ADAMTSL3: variants seen among roughly 807,000 people sequenced by gnomAD.
ADAMTSL3 encodes ADAMTS like 3.
Under a neutral mutation model 201.7 loss-of-function variants are expected in ADAMTSL3, and 128 were observed. The ratio of observed to expected loss-of-function variants is 0.63; its 90% CI spans 0.55 to 0.73. ADAMTSL3 has a LOEUF of 0.73. Among genes scored for constraint, ADAMTSL3 ranks in the 30% least tolerant of loss-of-function variants. ADAMTSL3 has a pLI of 0.00. For missense variants in ADAMTSL3, 1,990 were observed against 2,119.6 expected (o/e 0.94, Z 1.20); for synonymous variants, 738 against 748.4 (o/e 0.99, Z 0.23).
chr15:83,666,082 G>A (rs1029857898), intron 2 of ADAMTSL3, among the ~76,000 whole-genome samples: 6 of 152,118 alleles, frequency 3.9e-5, no homozygotes, highest in Middle Eastern at 3.4e-3. Context: ...GGATTTTGTT[G>A]TATAGATTTC....
intron 19 of ADAMTSL3, among the ~76,000 whole-genome samples, chr15:83,964,935 G>A (rs567047549): frequency 7.2e-5 from 11 of 152,108 alleles, no homozygotes; most frequent in Middle Eastern, 3.2e-3. Context: ...CTTCATAAGC[G>A]AAGGAGAAAT....
chr15:83,902,813 T>G (rs2065752724), intron 15 of ADAMTSL3, among the ~76,000 whole-genome samples: 1 of 152,118 alleles, frequency 6.6e-6, no homozygotes, highest in South Asian at 2.1e-4. Context: ...ACTCCCCTCT[T>G]AATTGGGAGT....
chr15:83,743,983 T>G (rs2062501200), intron 3 of ADAMTSL3, among the ~76,000 whole-genome samples: 2 of 152,070 alleles, frequency 1.3e-5, no homozygotes, highest in Non-Finnish European at 2.9e-5. Flanking sequence ...CCTGAGTAGC[T>G]GGGACTACAG....
At chr15:83,973,328 C>G (rs890660933) in intron 20 of ADAMTSL3, among the ~76,000 whole-genome samples, 1 of 152,192 alleles carries the variant, frequency 6.6e-6, no homozygotes, top group Non-Finnish European at 1.5e-5. Context: ...CCAGTTTCTG[C>G]TCTTGCACTA....
intron 10 of ADAMTSL3, among the ~76,000 whole-genome samples, chr15:83,888,039 A>G (rs932198538): frequency 1.3e-5 from 2 of 152,238 alleles, no homozygotes; most frequent in African/African-American, 4.8e-5. Flanking sequence ...CCAGTTGATC[A>G]AATTCTTGGG....
intron 7 of ADAMTSL3, among the ~76,000 whole-genome samples, chr15:83,854,418 T>C (rs1206546819): frequency 6.6e-6 from 1 of 152,230 alleles, no homozygotes; most frequent in African/African-American, 2.4e-5. Flanking sequence ...AGAATTGGAT[T>C]GAACATTTGT....
intron 27 of ADAMTSL3, 92 bp from the exon 28 acceptor site, chr15:84,031,243 T>C (rs2068403328): frequency 4.8e-6 from 6 of 1,260,680 alleles, no homozygotes; most frequent in South Asian, 1.3e-5. Context: ...TTGTAATAGG[T>C]CTTCAGCTAT....
rs150702254 is a variant in ADAMTSL3, at chr15:83,838,112, G to A, written c.624G>A (p.Leu208=). 1.5e-4 allele frequency: 244 copies of A among 1,610,654 alleles called. No homozygotes were observed. The highest frequency in any genetic ancestry group is 2.0e-4 in the Admixed American group (12 of 59,416). Residue 208 remains leucine (L), a synonymous_variant, in exon 7 of 30, where the codon CTG becomes CTA. Coordinates refer to ENST00000286744, the MANE Select transcript of ADAMTSL3 (RefSeq NM_207517.3). ...AGGCAGTGGGCTGCGATCGGCAACT[G>A]GGAAGCAATGCCAAGGAGGACAACT... The part of the protein sequence containing the change: ...ICQAVGCDRQ[L]GSNAKEDNCG...
At chr15:83,829,902 T>C (rs900211108) in intron 6 of ADAMTSL3, among the ~76,000 whole-genome samples, 8 of 152,332 alleles carry the variant, frequency 5.3e-5, no homozygotes, top group African/African-American at 1.9e-4. Flanking sequence ...CAGTTTGTTA[T>C]CATTTCTGTT....
intron 3 of ADAMTSL3, among the ~76,000 whole-genome samples, chr15:83,773,291 C>G (rs1306865704): frequency 1.3e-5 from 2 of 151,782 alleles, no homozygotes; most frequent in Non-Finnish European, 2.9e-5. Context: ...GCCTGTAATC[C>G]CAGCTACTCA....
chr15:83,730,178 A>G (rs1198635116), intron 3 of ADAMTSL3, among the ~76,000 whole-genome samples: 1 of 152,122 alleles, frequency 6.6e-6, no homozygotes, highest in Non-Finnish European at 1.5e-5. Context: ...GCCTATTTTT[A>G]TCTTTAAGAG....
intron 20 of ADAMTSL3, among the ~76,000 whole-genome samples, chr15:83,972,006 A>G (rs1331713173): frequency 6.6e-6 from 1 of 151,654 alleles, no homozygotes; most frequent in African/African-American, 2.4e-5. Flanking sequence ...TAAGACAAAT[A>G]ATTAAGTTTT....
intron 7 of ADAMTSL3, among the ~76,000 whole-genome samples, chr15:83,848,422 T>C (rs2064545862): frequency 6.6e-6 from 1 of 152,260 alleles, no homozygotes; most frequent in South Asian, 2.1e-4. Flanking sequence ...ATCTTGCTAC[T>C]TAGCAAAGCT....
chr15:83,733,133 A>G (rs2062309214), intron 3 of ADAMTSL3, among the ~76,000 whole-genome samples: 1 of 152,182 alleles, frequency 6.6e-6, no homozygotes, highest in African/African-American at 2.4e-5. Flanking sequence ...GGAAAATGTA[A>G]TGTAAAATAT....
intron 23 of ADAMTSL3, among the ~76,000 whole-genome samples, chr15:83,994,802 G>A (rs1393734873): frequency 8.4e-6 from 1 of 119,556 alleles, no homozygotes; most frequent in African/African-American, 3.3e-5. Flanking sequence ...AGAGACGGGG[G>A]TTTCACCATG....
chr15:83,891,194 T>A, intron 11 of ADAMTSL3, 135 bp from the exon 12 acceptor site: 1 of 695,628 alleles, frequency 1.4e-6, no homozygotes, highest in South Asian at 2.1e-5. Flanking sequence ...TTGGGAATGG[T>A]TGATAACACT....
At chr15:83,845,398 T>G (rs1420587201) in intron 7 of ADAMTSL3, among the ~76,000 whole-genome samples, 1 of 152,238 alleles carries the variant, frequency 6.6e-6, no homozygotes, top group East Asian at 1.9e-4. Context: ...TCGCTGGAGA[T>G]GATTCTGCTT....
intron 3 of ADAMTSL3, among the ~76,000 whole-genome samples, chr15:83,771,867 T>TA (rs1233761163): frequency 6.6e-6 from 1 of 151,866 alleles, no homozygotes; most frequent in Non-Finnish European, 1.5e-5. Flanking sequence ...TTTTTCTTTT[T>TA]TTTTTCTGAG....
chr15:83,833,519 T>C (rs573807267), intron 6 of ADAMTSL3, among the ~76,000 whole-genome samples: 1 of 152,318 alleles, frequency 6.6e-6, no homozygotes, highest in Admixed American at 6.5e-5. Context: ...ATTTTGGGTG[T>C]GGACACATTC....
Sources: allele counts gnomAD v4.1 joint callset (sites outside exome capture counted in the v4.1 genomes callset), GRCh38; gene constraint gnomAD v4.1.1; transcripts MANE v1.5; gene names NCBI Gene and HGNC (gene_info 2026-07-23, HGNC 2026-07-21).